Variants in GPR161 observed in about 807,000 individuals in gnomAD.
GPR161 encodes the protein G-protein coupled receptor RE2.
In GPR161, 25 loss-of-function variants were observed where a neutral mutation model predicts 39.2. The ratio of observed to expected loss-of-function variants is 0.64; its 90% CI spans 0.47 to 0.89. The LOEUF is 0.89. Ranked by LOEUF, GPR161 falls within the 40% of genes least tolerant of loss-of-function variation. GPR161 has a pLI of 0.00. For missense variants in GPR161, 547 were observed against 677.8 expected, an observed-to-expected ratio of 0.81 and a Z score of 2.14; for synonymous variants, 286 against 276.6, an observed-to-expected ratio of 1.03 and a Z score of -0.34.
At chr1:168,104,367 C>A (rs895232853) in intron 2 of GPR161, 110 bp downstream of exon 2, 3 of 855,420 alleles carry the variant, frequency 3.5e-6, no homozygotes, top group Non-Finnish European at 5.5e-6. Context: ...CATCCTCCCC[C>A]AGCAAGGGCC....
In GPR161 at chr1:168,083,341, G is replaced by C. The variant is rs1694203980; in HGVS notation, c.*2190C>G. The C allele has an allele frequency of 6.6e-6, 1 of 152,266 alleles. No homozygotes were observed. 9.4% of individuals were successfully genotyped at this position (152,266 alleles called of 1,614,324 possible). ...CCCAGCTAGTGTGGGGTCAGTGGGG[G>C]AGTGGGGGGCTGTCTCAGGATTCTT... On this transcript the variant is annotated 3_prime_UTR_variant, in exon 6 of 6. Coordinates refer to ENST00000682931, the MANE Select transcript of GPR161 (RefSeq NM_001375883.1).
intron 1 of GPR161, among the ~76,000 whole-genome samples, chr1:168,126,384 G>A (rs369641738): frequency 1.3e-5 from 2 of 152,106 alleles, no homozygotes; most frequent in South Asian, 2.1e-4. Context: ...ATCTCCTCCG[G>A]TCTAGGGTTT....
rs1553258169 is a variant in GPR161 at position 168,087,332 on chromosome 1, T to TGG, written c.1324+251_1324+252dup. Among the ~76,000 whole-genome samples the TGG allele has an allele frequency of 3.0e-3, 450 of 149,232 alleles. 1 individual carries two copies. The highest frequency in any genetic ancestry group is 0.01 in the Middle Eastern group (3 of 294). ...TCTGGGCTGTGTGTGTAAACACGTG[T>TGG]GGGTGTGTGTGTGTGTGTGTGTGTG... On this transcript the variant is annotated intron_variant, in intron 5 of 5. Transcript: ENST00000682931.
At chr1:168,134,493 AT>A (rs943635519) in intron 1 of GPR161, among the ~76,000 whole-genome samples, 1 of 152,048 alleles carries the variant, frequency 6.6e-6, no homozygotes, top group Non-Finnish European at 1.5e-5. Context: ...AGTTCTGTTG[AT>A]GTTTTTTGTT....
Position 168,104,532 on chromosome 1 carries a change from AGAG to A in GPR161, c.316_318del (p.Leu106del). 6.2e-7 allele frequency: 1 copy of A among 1,614,082 alleles called. No homozygotes were observed. The highest frequency in any genetic ancestry group is 8.5e-7 in the Non-Finnish European group (1 of 1,179,976). ...ATGCTGGCAGAGCTGATCAGCAGGTAGAGGAGGGCAGAGAAGTTGCACCACACT... is the reference window on the plus strand; with the variant it reads ...ATGCTGGCAGAGCTGATCAGCAGGTAGAGGGCAGAGAAGTTGCACCACACT... On this transcript the variant is annotated inframe_deletion, in exon 2 of 6. Coordinates refer to ENST00000682931, the MANE Select transcript of GPR161 (RefSeq NM_001375883.1).
At position 168,097,300 on chromosome 1, in the gene GPR161, G is replaced by A. The variant is rs1178542261; in HGVS notation, c.375-68C>T. The A allele has an allele frequency of 3.6e-5, 54 of 1,510,338 alleles. 1 individual carries two copies. Among genetic ancestry groups the A allele is most frequent in the Middle Eastern group, 4.3e-4 (2 of 4,686 alleles). 93.6% of individuals were successfully genotyped at this position (1,510,338 alleles called of 1,614,324 possible). A position where few individuals can be genotyped will look rare whatever the true frequency, so the allele number is the denominator to read the frequency against. On this transcript the variant is annotated intron_variant, in intron 2 of 5. Coordinates refer to ENST00000682931, the MANE Select transcript of GPR161 (RefSeq NM_001375883.1). ...AGAGAGAAAACCGCTGCCTTCCTGC[G>A]TCAGGGGCTCCCATGACTGGGTTGG... is the stretch of plus-strand genomic sequence containing the variant.
At chr1:168,116,098 TAA>T (rs1304825742) in intron 1 of GPR161, among the ~76,000 whole-genome samples, 3 of 152,176 alleles carry the variant, frequency 2.0e-5, no homozygotes, top group Non-Finnish European at 2.9e-5. Flanking sequence ...TCTTTTATCA[TAA>T]AAGTCTCTTC....
chr1:168,097,074 C>T lies in GPR161; in HGVS notation c.533G>A (p.Cys178Tyr). 1.9e-6 allele frequency: 3 copies of T among 1,614,102 alleles called. No homozygotes were observed. Among genetic ancestry groups the T allele is most frequent in the African/African-American group, 1.3e-5 (1 of 75,012 alleles). The change falls in exon 3 of 6, where the codon TGT (cysteine) becomes TAT (tyrosine). Residue 178 changes from cysteine to tyrosine, a missense_variant. Physicochemically the swap from Cys to Tyr is radical, Grantham distance 194. Transcript: ENST00000682931. ...SVEFDEFKWM[C>Y]VAAWHREPGY... ...AGGCTCCCGGTGCCAAGCAGCCACA[C>T]ACATCCATTTGAACTCGTCAAACTC...
chr1:168,133,841 A>G, intron 1 of GPR161: 1 of 670,212 alleles, frequency 1.5e-6, no homozygotes, highest in Non-Finnish European at 1.8e-6. Context: ...CTTTTTTATC[A>G]TGTTTTATAT....
chr1:168,136,099 C>G (rs1438259920), intron 1 of GPR161: 1 of 1,262,224 alleles, frequency 7.9e-7, no homozygotes, highest in Non-Finnish European at 1.0e-6. Context: ...TGGTCGAGTT[C>G]TCCCCTTTCC....
chr1:168,116,259 T>C lies in GPR161; in HGVS notation c.-44-11365A>G, dbSNP rs1041851842. Among the ~76,000 whole-genome samples, 11 of 152,306 alleles carry C rather than the reference T, an allele frequency of 7.2e-5. No individual in the cohort carries two copies. The East Asian group carries it at 1.7e-3, about 24-fold the overall frequency. On this transcript the variant is annotated intron_variant, in intron 1 of 5. Coordinates refer to ENST00000682931, the MANE Select transcript of GPR161 (RefSeq NM_001375883.1). ...CTGACCAGCCTGCAGCACTGGGACT[T>C]CCAGCTGCCCTCTTCTAAAGAAATC...
chr1:168,116,400 C>G (rs1442781113), intron 1 of GPR161, among the ~76,000 whole-genome samples: 2 of 152,178 alleles, frequency 1.3e-5, no homozygotes, highest in East Asian at 3.9e-4. Flanking sequence ...CTCATCTGGC[C>G]ATACTCTCAG....
At chr1:168,116,979 G>T (rs530554659) in intron 1 of GPR161, among the ~76,000 whole-genome samples, 1 of 152,320 alleles carries the variant, frequency 6.6e-6, no homozygotes, top group South Asian at 2.1e-4. Context: ...GCCAATGGGA[G>T]AGACCTGGCT....
chr1:168,119,974 C>G (rs1256256334), intron 1 of GPR161, among the ~76,000 whole-genome samples: 4 of 152,230 alleles, frequency 2.6e-5, no homozygotes, highest in African/African-American at 9.6e-5. Context: ...TGAAGAAACT[C>G]TCCTAGAGCA....
Position 168,087,693 on chromosome 1 carries a change from T to G in GPR161, c.1216A>C (p.Met406Leu), listed in dbSNP as rs765286864. 1.2e-6 allele frequency: 2 copies of G among 1,612,654 alleles called. No individual in the cohort carries two copies. Among genetic ancestry groups the G allele is most frequent in the Non-Finnish European group, 1.7e-6 (2 of 1,179,188 alleles). ...TCAGACGTGTAGTCCTCAAGCAGCA[T>G]CATATCTGTCCCTAAAACAACGGGC... ...SCSQDSGTDM[M>L]LLEDYTSDDN... Residue 406 changes from methionine (M) to leucine (L), a missense_variant, in exon 5 of 6, where the codon ATG (methionine) becomes CTG (leucine). By Grantham distance (15) the Met-to-Leu change is conservative (BLOSUM62 2). Transcript: ENST00000682931.
At chr1:168,096,457 C>T in intron 3 of GPR161, 51 bp downstream of exon 3, 1 of 1,570,084 alleles carries the variant, frequency 6.4e-7, no homozygotes, top group Non-Finnish European at 8.7e-7. Flanking sequence ...GCTGAGAGGA[C>T]CACAGATTTC....
chr1:168,121,889 G>C (rs531000128), intron 1 of GPR161, among the ~76,000 whole-genome samples: 1 of 152,276 alleles, frequency 6.6e-6, no homozygotes, highest in East Asian at 1.9e-4. Flanking sequence ...CTGGAACTGG[G>C]CTCCCAGCAA....
At chr1:168,130,660 C>T (rs1171414819) in intron 1 of GPR161, among the ~76,000 whole-genome samples, 2 of 152,122 alleles carry the variant, frequency 1.3e-5, no homozygotes, top group East Asian at 1.9e-4. Flanking sequence ...CTCTCTATGC[C>T]CACTTAAACA....
intron 1 of GPR161, among the ~76,000 whole-genome samples, chr1:168,117,232 T>C (rs1281660357): frequency 6.6e-6 from 1 of 152,204 alleles, no homozygotes; most frequent in Non-Finnish European, 1.5e-5. Flanking sequence ...TTAGATTCCT[T>C]GAGAATTTTA....
Sources: allele counts gnomAD v4.1 joint callset (sites outside exome capture counted in the v4.1 genomes callset), GRCh38; gene constraint gnomAD v4.1.1; transcripts MANE v1.5; gene names NCBI Gene and HGNC (gene_info 2026-07-23, HGNC 2026-07-21).